Variants in TRDN observed in about 807,000 individuals in gnomAD.
TRDN encodes the protein triadin in skeletal muscle.
In TRDN, 161 loss-of-function variants were observed where a neutral mutation model predicts 149.7. The observed-to-expected ratio is 1.08, with a 90% CI of 0.95 to 1.23. The LOEUF (loss-of-function observed/expected upper bound fraction) is 1.23, where lower values mean the gene tolerates loss of function less well. Ranked by LOEUF, TRDN falls within the 50% of genes most tolerant of loss-of-function variation. The pLI is 0.00. For synonymous variants in TRDN, 294 were observed against 250.5 expected (o/e 1.17, Z -1.64); for missense variants, 896 against 823.5 (o/e 1.09, Z -1.08).
At chr6:123,402,910 GT>G (rs948777326) in intron 12 of TRDN, among the ~76,000 whole-genome samples, 4 of 152,172 alleles carry the variant, frequency 2.6e-5, no homozygotes, top group Non-Finnish European at 4.4e-5. Context: ...AACAGAATAG[GT>G]TTTAACATAA....
chr6:123,453,304 G>A (rs1440950683), intron 10 of TRDN, among the ~76,000 whole-genome samples: 1 of 152,116 alleles, frequency 6.6e-6, no homozygotes, highest in Non-Finnish European at 1.5e-5. Flanking sequence ...GGAACAGTTG[G>A]CAGAGTAAAC....
intron 1 of TRDN, chr6:123,583,989 A>G (rs1012334383): frequency 4.3e-5 from 8 of 184,022 alleles, no homozygotes; most frequent in Admixed American, 2.4e-4. Context: ...GGCTTGTACT[A>G]TAGCATAGCC....
intron 31 of TRDN, 76 bp from the exon 32 acceptor site, chr6:123,267,827 TG>T: frequency 8.4e-7 from 1 of 1,189,926 alleles, no homozygotes; most frequent in South Asian, 1.7e-5. Flanking sequence ...TATTTGCAAG[TG>T]ATCCTCAGTT....
chr6:123,359,573 T>G (rs2114331241), intron 20 of TRDN, among the ~76,000 whole-genome samples: 1 of 152,242 alleles, frequency 6.6e-6, no homozygotes. Flanking sequence ...AAGGCTTGAA[T>G]TAGTATGGCA....
rs984761221 is a variant in TRDN at position 123,523,052 on chromosome 6, T to C, written c.485-6846A>G. On this transcript the variant is annotated intron_variant, in intron 5 of 40. Coordinates refer to ENST00000334268, the MANE Select transcript of TRDN (RefSeq NM_006073.4). ...TCGACATATACCCACAATTAAAATA[T>C]GTTGTCAAAGTGCTTGGAAGAGCAA... Among the ~76,000 whole-genome samples the C allele has an allele frequency of 6.6e-5, 10 of 152,232 alleles. No homozygotes were observed. In the East Asian group the frequency reaches 1.6e-3, roughly 24 times the overall value.
At position 123,567,092 on chromosome 6, in the gene TRDN, G is replaced by T. The variant is rs529708859; in HGVS notation, c.232+3831C>A. Among the ~76,000 whole-genome samples, 8 of 152,244 alleles carry T rather than the reference G, an allele frequency of 5.3e-5. No homozygotes were observed. In the South Asian group the frequency reaches 1.5e-3, roughly 28 times the overall value. On this transcript the variant is annotated intron_variant, in intron 2 of 40. Transcript: ENST00000334268. ...ATGTTACTGGCATTTCATCTGATAGGGAAATACTTCAGTCAATGCAAGCTC... is the reference window on the plus strand; with the variant it reads ...ATGTTACTGGCATTTCATCTGATAGTGAAATACTTCAGTCAATGCAAGCTC...
intron 1 of TRDN, among the ~76,000 whole-genome samples, chr6:123,582,193 G>A (rs930896618): frequency 2.0e-5 from 3 of 152,222 alleles, no homozygotes; most frequent in Non-Finnish European, 2.9e-5. Flanking sequence ...ATTTCCACTC[G>A]AACTGAGGGG....
intron 1 of TRDN, among the ~76,000 whole-genome samples, chr6:123,619,816 A>G (rs1189850030): frequency 6.6e-6 from 1 of 152,132 alleles, no homozygotes; most frequent in Non-Finnish European, 1.5e-5. Flanking sequence ...GAAAAGGTGA[A>G]TACAAGAAAT....
At chr6:123,408,564 G>A (rs1773291257) in intron 12 of TRDN, among the ~76,000 whole-genome samples, 1 of 151,808 alleles carries the variant, frequency 6.6e-6, no homozygotes, top group Non-Finnish European at 1.5e-5. Context: ...TGTAATCCCA[G>A]CTACTCAGGA....
intron 5 of TRDN, among the ~76,000 whole-genome samples, chr6:123,527,660 T>C (rs1443601238): frequency 3.3e-5 from 5 of 151,880 alleles, no homozygotes; most frequent in Admixed American, 1.3e-4. Flanking sequence ...TAGTTAATGA[T>C]ATGTGGTAAC....
In TRDN at chr6:123,260,646, A is replaced by G; in HGVS notation, c.1805-8T>C. ...TGACTTCTGATGTTCCTTCTTTAGA[A>G]AAAAAAAAAAAAAGAATGTAGAAAG... is the stretch of plus-strand genomic sequence containing the variant. On this transcript the variant is annotated splice_region_variant and splice_polypyrimidine_tract_variant and intron_variant, in intron 33 of 40. Coordinates refer to ENST00000334268, the MANE Select transcript of TRDN (RefSeq NM_006073.4). 1.5e-6 allele frequency: 2 copies of G among 1,320,750 alleles called. No individual in the cohort carries two copies. The highest frequency in any genetic ancestry group is 1.5e-5 in the African/African-American group (1 of 65,976). 81.8% of individuals were successfully genotyped at this position (1,320,750 alleles called of 1,614,324 possible). A position where few individuals can be genotyped will look rare whatever the true frequency, so the allele number is the denominator to read the frequency against.
chr6:123,265,796 A>G (rs1281144013), intron 32 of TRDN, among the ~76,000 whole-genome samples: 1 of 147,842 alleles, frequency 6.8e-6, no homozygotes, highest in Non-Finnish European at 1.5e-5. Flanking sequence ...CCAATCCCGT[A>G]TGTTGAACAA....
At chr6:123,272,839 A>T in intron 29 of TRDN, 125 bp downstream of exon 29, 1 of 738,756 alleles carries the variant, frequency 1.4e-6, no homozygotes, top group Non-Finnish European at 2.1e-6. Context: ...GAGATGGTCT[A>T]GAAGCTTATG....
In TRDN at chr6:123,425,886, C is replaced by CATCTATCTATCT. The variant is rs373811839; in HGVS notation, c.1051+12165_1051+12176dup. ...ATAATATACATATCTATCTATCTAT[C>CATCTATCTATCT]ATCTATCTATCTATCTATCTATCAT... On this transcript the variant is annotated intron_variant, in intron 12 of 40. Coordinates refer to ENST00000334268, the MANE Select transcript of TRDN (RefSeq NM_006073.4). 1.1e-4 allele frequency among the ~76,000 whole-genome samples: 17 copies of CATCTATCTATCT among 151,986 alleles called. No homozygotes were observed. The South Asian group carries it at 1.7e-3, about 15-fold the overall frequency.
intron 23 of TRDN, among the ~76,000 whole-genome samples, chr6:123,327,273 C>T (rs1200739826): frequency 1.3e-5 from 2 of 151,912 alleles, no homozygotes; most frequent in Admixed American, 6.6e-5. Flanking sequence ...TTAATTAAAG[C>T]AATTCTATAA....
rs750332672 is a variant in TRDN at position 123,548,451 on chromosome 6, T to C, written c.391+3A>G. 2 of 1,551,018 alleles carry C rather than the reference T, an allele frequency of 1.3e-6. No homozygotes were observed. Among genetic ancestry groups the C allele is most frequent in the South Asian group, 1.3e-5 (1 of 79,580 alleles). On this transcript the variant is annotated splice_donor_region_variant and intron_variant, in intron 3 of 40. Transcript: ENST00000334268. ...GTTAGATATATCTCTATGTTCTTTGTACCTTTATCAGTATCTTCGTCACCA... is the reference window on the plus strand; with the variant it reads ...GTTAGATATATCTCTATGTTCTTTGCACCTTTATCAGTATCTTCGTCACCA...
intron 23 of TRDN, among the ~76,000 whole-genome samples, chr6:123,318,184 A>T (rs1779103878): frequency 6.6e-6 from 1 of 151,950 alleles, no homozygotes; most frequent in Non-Finnish European, 1.5e-5. Context: ...GAAAGGAAAC[A>T]ACTTTTTCTT....
At chr6:123,318,631 A>T (rs1168544888) in intron 23 of TRDN, among the ~76,000 whole-genome samples, 1 of 152,048 alleles carries the variant, frequency 6.6e-6, no homozygotes, top group East Asian at 1.9e-4. Context: ...GACACAGTTC[A>T]TTAGCATTTT....
At chr6:123,593,890 C>T (rs1204757359) in intron 1 of TRDN, among the ~76,000 whole-genome samples, 1 of 152,080 alleles carries the variant, frequency 6.6e-6, no homozygotes, top group Non-Finnish European at 1.5e-5. Context: ...TAAATGTACA[C>T]CTAAGGCATT....
Sources: allele counts gnomAD v4.1 joint callset (sites outside exome capture counted in the v4.1 genomes callset), GRCh38; gene constraint gnomAD v4.1.1; transcripts MANE v1.5; gene names NCBI Gene and HGNC (gene_info 2026-07-23, HGNC 2026-07-21).